The following CACNB2 variants were observed in gnomAD, a reference collection of about 807,000 sequenced individuals.
CACNB2 encodes the protein calcium voltage-gated channel auxiliary subunit beta 2.
CACNB2 carries 42 observed loss-of-function variants against 73.3 expected under a neutral mutation model. The ratio of observed to expected loss-of-function variants is 0.57; its 90% CI spans 0.45 to 0.74. The LOEUF is 0.74. Among genes scored for constraint, CACNB2 ranks in the 30% least tolerant of loss-of-function variants. CACNB2 has a pLI of 0.00. For missense variants in CACNB2, 940 were observed against 853.0 expected, an observed-to-expected ratio of 1.10 and a Z score of -1.27; for synonymous variants, 348 against 310.3, an observed-to-expected ratio of 1.12 and a Z score of -1.28.
At chr10:18,366,185 G>A (rs1451814714) in intron 2 of CACNB2, among the ~76,000 whole-genome samples, 9 of 152,148 alleles carry the variant, frequency 5.9e-5, no homozygotes, top group Admixed American at 3.9e-4. Context: ...TGAAATTCTC[G>A]CTGAGGGCGG....
intron 3 of CACNB2, among the ~76,000 whole-genome samples, chr10:18,451,595 C>A (rs1265890594): frequency 2.6e-5 from 4 of 152,158 alleles, no homozygotes; most frequent in Non-Finnish European, 5.9e-5. Flanking sequence ...CATTTTTCCC[C>A]TGCAGAGGAT....
chr10:18,205,086 TA>T (rs55729747), intron 2 of CACNB2, among the ~76,000 whole-genome samples: 106,067 of 151,438 alleles, frequency 0.7, 39,558 homozygotes, highest in Non-Finnish European at 0.84. Context: ...TGAGGGTTTT[TA>T]AAAAAAAATT....
intron 3 of CACNB2, among the ~76,000 whole-genome samples, chr10:18,473,744 G>C (rs548769458): frequency 3.3e-5 from 5 of 152,288 alleles, no homozygotes; most frequent in African/African-American, 1.2e-4. Context: ...CTTTACAGTT[G>C]TGTTTGCTTC....
At chr10:18,417,118 T>G (rs1030160245) in intron 3 of CACNB2, among the ~76,000 whole-genome samples, 2 of 151,930 alleles carry the variant, frequency 1.3e-5, no homozygotes, top group East Asian at 3.9e-4. Context: ...TAAAAGCTTT[T>G]TTTTTTCTCT....
rs148641973 is a variant in CACNB2, at chr10:18,540,557, G to C, written c.*833G>C. 2.7e-5 allele frequency: 4 copies of C among 150,612 alleles called. No individual in the cohort carries two copies. The highest frequency in any genetic ancestry group is 2.1e-4 in the South Asian group (1 of 4,808). 9.3% of individuals were successfully genotyped at this position (150,612 alleles called of 1,614,324 possible). A position where few individuals can be genotyped will look rare whatever the true frequency, so the allele number is the denominator to read the frequency against. The stretch of plus-strand genomic sequence containing the variant: ...GAATTCTGAATGTTATACCATCCTT[G>C]TAAGTAAGTTTGTAATTTCCACCAT... On this transcript the variant is annotated 3_prime_UTR_variant, in exon 14 of 14. Coordinates refer to ENST00000324631, the MANE Select transcript of CACNB2 (RefSeq NM_201596.3).
intron 3 of CACNB2, among the ~76,000 whole-genome samples, chr10:18,425,215 A>G (rs1423483778): frequency 2.0e-5 from 3 of 151,894 alleles, no homozygotes; most frequent in South Asian, 2.1e-4. Flanking sequence ...AGGACTTTCT[A>G]TATTTTATAT....
At chr10:18,157,100 T>G (rs1219630488) in intron 2 of CACNB2, among the ~76,000 whole-genome samples, 1 of 152,120 alleles carries the variant, frequency 6.6e-6, no homozygotes, top group African/African-American at 2.4e-5. Context: ...TTTATCTGAT[T>G]GCTTTTTAAA....
Position 18,422,080 on chromosome 10 carries a change from G to A in CACNB2, c.333+20037G>A, listed in dbSNP as rs919062056. Among the ~76,000 whole-genome samples, 5 of 152,294 alleles carry A rather than the reference G, an allele frequency of 3.3e-5. No homozygotes were observed. The East Asian group carries it at 9.6e-4, about 29-fold the overall frequency. ...ATGTTCCGTTTTAAGATTTTGTAAT[G>A]GTCTAGACGAACATGAACAAAACCA... On this transcript the variant is annotated intron_variant, in intron 3 of 13. Coordinates refer to ENST00000324631, the MANE Select transcript of CACNB2 (RefSeq NM_201596.3).
chr10:18,396,673 G>A (rs1474540428), intron 2 of CACNB2, among the ~76,000 whole-genome samples: 1 of 152,176 alleles, frequency 6.6e-6, no homozygotes, highest in East Asian at 1.9e-4. Flanking sequence ...GTTTCACCAT[G>A]TTGGTCAGGC....
intron 2 of CACNB2, among the ~76,000 whole-genome samples, chr10:18,318,886 A>G (rs1266897714): frequency 6.6e-6 from 1 of 152,274 alleles, no homozygotes; most frequent in Non-Finnish European, 1.5e-5. Context: ...AATGCAAATC[A>G]AAACAATGAG....
chr10:18,190,281 A>G (rs1291900162), intron 2 of CACNB2, among the ~76,000 whole-genome samples: 2 of 152,192 alleles, frequency 1.3e-5, no homozygotes, highest in African/African-American at 2.4e-5. Context: ...TTTCTCAGAT[A>G]CAGAGGGTTC....
intron 3 of CACNB2, among the ~76,000 whole-genome samples, chr10:18,426,381 A>G (rs114490766): frequency 0.013 from 1,935 of 152,254 alleles, 46 homozygotes; most frequent in African/African-American, 0.045. Flanking sequence ...TTCTCTCTCA[A>G]GTTACAGTTT....
chr10:18,203,063 G>A (rs1304759210), intron 2 of CACNB2, among the ~76,000 whole-genome samples: 1 of 152,114 alleles, frequency 6.6e-6, no homozygotes, highest in Admixed American at 6.6e-5. Flanking sequence ...TCAGACTACA[G>A]GGTCTGAAGC....
At chr10:18,394,510 G>C (rs367944038) in intron 2 of CACNB2, among the ~76,000 whole-genome samples, 2 of 152,086 alleles carry the variant, frequency 1.3e-5, no homozygotes, top group African/African-American at 4.8e-5. Flanking sequence ...ACTGCTAAAG[G>C]TTTACTCCTA....
At chr10:18,232,136 A>T (rs990242947) in intron 2 of CACNB2, among the ~76,000 whole-genome samples, 1 of 152,312 alleles carries the variant, frequency 6.6e-6, no homozygotes, top group East Asian at 1.9e-4. Context: ...TTTGGGGTTG[A>T]TCATTGGAGG....
intron 2 of CACNB2, among the ~76,000 whole-genome samples, chr10:18,218,610 A>G (rs1588728573): frequency 6.6e-6 from 1 of 152,234 alleles, no homozygotes; most frequent in Non-Finnish European, 1.5e-5. Flanking sequence ...GGCAGGGCAC[A>G]GTGGCTCATG....
chr10:18,421,633 T>C (rs540518725), intron 3 of CACNB2, among the ~76,000 whole-genome samples: 29 of 152,310 alleles, frequency 1.9e-4, no homozygotes, highest in African/African-American at 6.7e-4. Flanking sequence ...TTTTAAGTGG[T>C]TATTTTTTTC....
intron 2 of CACNB2, among the ~76,000 whole-genome samples, chr10:18,197,932 A>G (rs1484163183): frequency 1.3e-5 from 2 of 148,184 alleles, no homozygotes; most frequent in Non-Finnish European, 3.0e-5. Context: ...ATTAATGGTT[A>G]ATATATAGTC....
intron 5 of CACNB2, among the ~76,000 whole-genome samples, chr10:18,501,728 T>C (rs2133042280): frequency 6.6e-6 from 1 of 152,346 alleles, no homozygotes. Context: ...TACATCTTAT[T>C]TGTTTATCTA....
Sources: allele counts gnomAD v4.1 joint callset (sites outside exome capture counted in the v4.1 genomes callset), GRCh38; gene constraint gnomAD v4.1.1; transcripts MANE v1.5; gene names NCBI Gene and HGNC (gene_info 2026-07-23, HGNC 2026-07-21).